ETV6: variants seen among roughly 807,000 people sequenced by gnomAD.
ETV6 encodes ETS variant transcription factor 6, also known as transcription factor ETV6.
ETV6 carries 16 observed loss-of-function variants against 51.1 expected under a neutral mutation model. That is an observed-to-expected ratio of 0.31 (90% CI 0.21 to 0.48). ETV6 has a LOEUF of 0.48. Ranked by LOEUF, ETV6 falls within the 20% of genes least tolerant of loss-of-function variation. ETV6 has a pLI of 0.99. For synonymous variants in ETV6, 240 were observed against 224.1 expected (o/e 1.07, Z -0.64); for missense variants, 458 against 594.8 (o/e 0.77, Z 2.39).
At chr12:11,774,153 T>C (rs1049484590) in intron 2 of ETV6, among the ~76,000 whole-genome samples, 1 of 152,158 alleles carries the variant, frequency 6.6e-6, no homozygotes, top group African/African-American at 2.4e-5. Flanking sequence ...AGGTGCTTAT[T>C]TGTTCATCTT....
chr12:11,708,175 C>T (rs1865108004), intron 1 of ETV6, among the ~76,000 whole-genome samples: 1 of 151,470 alleles, frequency 6.6e-6, no homozygotes, highest in Non-Finnish European at 1.5e-5. Context: ...ATCTCTTTAA[C>T]CTAAATTGGA....
intron 1 of ETV6, among the ~76,000 whole-genome samples, chr12:11,721,817 T>G (rs965265032): frequency 6.6e-6 from 1 of 152,248 alleles, no homozygotes; most frequent in African/African-American, 2.4e-5. Context: ...AACATTAGTT[T>G]CCTTATTTTT....
intron 1 of ETV6, among the ~76,000 whole-genome samples, chr12:11,737,539 T>C (rs1039355736): frequency 6.6e-5 from 10 of 152,234 alleles, no homozygotes; most frequent in African/African-American, 2.2e-4. Context: ...TAGATTGATT[T>C]ATTTTTCTAG....
chr12:11,693,632 TC>T (rs1458982067), intron 1 of ETV6, among the ~76,000 whole-genome samples: 1 of 152,120 alleles, frequency 6.6e-6, no homozygotes, highest in Non-Finnish European at 1.5e-5. Context: ...CTGTCCAGGG[TC>T]TGGACCAAGA....
At position 11,853,471 on chromosome 12, in the gene ETV6, A is replaced by G; in HGVS notation, c.373A>G (p.Lys125Glu). The change falls in exon 4 of 8, where the codon AAA becomes GAA. Residue 125 changes from lysine to glutamate, a missense_variant. Around this residue, in one of 4 missense-constraint regions of ETV6, gnomAD observed 293 missense variants for 315.7 expected, o/e 0.93. Coordinates refer to ENST00000396373, the MANE Select transcript of ETV6 (RefSeq NM_001987.5). ...ELLQHILKQRKPRILFSPFFH... is the reference protein window; with the variant it reads ...ELLQHILKQREPRILFSPFFH... Reference sequence around the variant, plus strand: ...CCTTCAGCATATTCTGAAGCAGAGGAAACCTCGGATTCTTTTTTCACCATT... The same window carrying G: ...CCTTCAGCATATTCTGAAGCAGAGGGAACCTCGGATTCTTTTTTCACCATT... 2 of 1,614,242 alleles carry G rather than the reference A, an allele frequency of 1.2e-6. No homozygotes were observed. Among genetic ancestry groups the G allele is most frequent in the Non-Finnish European group, 1.7e-6 (2 of 1,180,042 alleles).
chr12:11,682,603 C>T (rs1204208955), intron 1 of ETV6, among the ~76,000 whole-genome samples: 1 of 152,108 alleles, frequency 6.6e-6, no homozygotes, highest in East Asian at 1.9e-4. Context: ...CTTTTGTTGC[C>T]ATGCTTTTGG....
intron 2 of ETV6, among the ~76,000 whole-genome samples, chr12:11,828,989 G>A (rs1300067999): frequency 6.6e-6 from 1 of 152,068 alleles, no homozygotes; most frequent in Admixed American, 6.6e-5. Context: ...GGGCCTGAGC[G>A]GGCACCTCCT....
At chr12:11,732,307 A>G (rs1865613980) in intron 1 of ETV6, among the ~76,000 whole-genome samples, 1 of 152,186 alleles carries the variant, frequency 6.6e-6, no homozygotes, top group Non-Finnish European at 1.5e-5. Context: ...AAGAACTGCT[A>G]ACTACCTGAT....
Position 11,788,755 on chromosome 12 carries a change from GGT to G in ETV6, c.163+36177_163+36178del, listed in dbSNP as rs199567248. Reference sequence around the variant, plus strand: ...AATTCTTAAATCACGTGCTTGTATTGGTTTTTTTTTTTTTTTTTCATTTCTAA... The same window carrying G: ...AATTCTTAAATCACGTGCTTGTATTGTTTTTTTTTTTTTTTTCATTTCTAA... On this transcript the variant is annotated intron_variant, in intron 2 of 7. Transcript: ENST00000396373. Among the ~76,000 whole-genome samples the G allele has an allele frequency of 3.3e-3, 315 of 96,742 alleles. 4 individuals are homozygous for G. The highest frequency in any genetic ancestry group is 0.028 in the East Asian group (45 of 1,606). The allele number at this position is 96,742 out of a possible 152,430, so 63.5% of individuals were successfully genotyped here.
chr12:11,812,366 T>A (rs933777298), intron 2 of ETV6, among the ~76,000 whole-genome samples: 1 of 152,054 alleles, frequency 6.6e-6, no homozygotes, highest in Non-Finnish European at 1.5e-5. Flanking sequence ...TCCTCACAGG[T>A]TCCCTTGGGG....
rs1158658716 is a variant in ETV6, at chr12:11,874,549, CAT to C, written c.1009+4585_1009+4586del. 1.2e-3 allele frequency among the ~76,000 whole-genome samples: 3 copies of C among 2,434 alleles called. 1 individual carries two copies. The highest frequency in any genetic ancestry group is 1.3e-3 in the African/African-American group (3 of 2,230). The allele number at this position is 2,434 out of a possible 152,430, so 1.6% of individuals were successfully genotyped here. ...ATATGTGTATGTGCGTGTGTACACACATATATGTGTATGTGCGTGTGTACACA... is the reference window on the plus strand; with the variant it reads ...ATATGTGTATGTGCGTGTGTACACACATATGTGTATGTGCGTGTGTACACA... On this transcript the variant is annotated intron_variant, in intron 5 of 7. Transcript: ENST00000396373.
At chr12:11,772,186 A>C (rs1945250907) in intron 2 of ETV6, among the ~76,000 whole-genome samples, 1 of 152,258 alleles carries the variant, frequency 6.6e-6, no homozygotes, top group Non-Finnish European at 1.5e-5. Flanking sequence ...CATAACAACC[A>C]ACATCTGGAA....
intron 5 of ETV6, among the ~76,000 whole-genome samples, chr12:11,880,811 A>G (rs926150148): frequency 2.0e-5 from 3 of 152,188 alleles, no homozygotes; most frequent in Admixed American, 6.5e-5. Context: ...AGAAAATCAC[A>G]TTCCCAATCC....
At chr12:11,882,297 C>T (rs2739083) in intron 5 of ETV6, among the ~76,000 whole-genome samples, 3 of 152,208 alleles carry the variant, frequency 2.0e-5, no homozygotes, top group Non-Finnish European at 4.4e-5. Flanking sequence ...AGAAAAGATA[C>T]ACTGAGCAGG....
chr12:11,841,741 T>G (rs544045453), intron 3 of ETV6, among the ~76,000 whole-genome samples: 1 of 152,234 alleles, frequency 6.6e-6, no homozygotes, highest in East Asian at 1.9e-4. Flanking sequence ...GAGCCTGACT[T>G]TGAAAACTTT....
At chr12:11,885,337 T>C (rs368981003) in intron 6 of ETV6, among the ~76,000 whole-genome samples, 1 of 152,170 alleles carries the variant, frequency 6.6e-6, no homozygotes, top group Non-Finnish European at 1.5e-5. Flanking sequence ...TGACCAAATA[T>C]GGCAAGGCCC....
intron 1 of ETV6, among the ~76,000 whole-genome samples, chr12:11,660,337 G>A (rs1291733753): frequency 2.6e-5 from 4 of 151,774 alleles, no homozygotes; most frequent in African/African-American, 9.7e-5. Flanking sequence ...GGGCGTGGTG[G>A]CTCACGCCTG....
intron 1 of ETV6, among the ~76,000 whole-genome samples, chr12:11,715,338 G>A (rs1490732904): frequency 6.6e-6 from 1 of 152,098 alleles, no homozygotes; most frequent in Non-Finnish European, 1.5e-5. Context: ...GGAGGCCAAG[G>A]TATGAAATGA....
intron 3 of ETV6, among the ~76,000 whole-genome samples, chr12:11,841,326 C>T (rs1323801417): frequency 9.4e-6 from 1 of 105,992 alleles, no homozygotes; most frequent in Non-Finnish European, 1.7e-5. Context: ...GGCAGGATTG[C>T]GTTGATCTAA....
Sources: gnomAD v4.1 joint callset for allele counts (sites outside exome capture counted in the v4.1 genomes callset) on GRCh38, gnomAD v4.1.1 for gene constraint, gnomAD v4.1.1 regional missense constraint, MANE v1.5 for transcripts, NCBI Gene and HGNC (gene_info 2026-07-23, HGNC 2026-07-21) for gene names.